The following MYCBP2 variants were observed in gnomAD, a reference collection of about 807,000 sequenced individuals.
MYCBP2 encodes the protein E3 ubiquitin-protein ligase MYCBP2.
Under a neutral mutation model 525.3 loss-of-function variants are expected in MYCBP2, and 120 were observed. That is an observed-to-expected ratio of 0.23 (90% CI 0.20 to 0.27). The LOEUF is 0.27. MYCBP2 is among the 10% of genes least tolerant of loss of function. The pLI is 1.00. For synonymous variants in MYCBP2, 1,894 were observed against 1,955.8 expected, an observed-to-expected ratio of 0.97 and a Z score of 0.83; for missense variants, 4,149 against 5,657.1, an observed-to-expected ratio of 0.73 and a Z score of 8.55.
chr13:77,322,722 A>C (rs2081823509), intron 1 of MYCBP2, among the ~76,000 whole-genome samples: 1 of 152,246 alleles, frequency 6.6e-6, no homozygotes, highest in South Asian at 2.1e-4. Flanking sequence ...ACGTGAACTA[A>C]GGGAGTCTAC....
intron 36 of MYCBP2, among the ~76,000 whole-genome samples, chr13:77,174,876 T>C (rs1341650445): frequency 2.6e-5 from 1 of 39,114 alleles, no homozygotes; most frequent in Non-Finnish European, 8.8e-5. Context: ...GCTCTTAATT[T>C]TACTGCTAGA....
At chr13:77,083,570 A>G (rs942353003) in intron 62 of MYCBP2, among the ~76,000 whole-genome samples, 9 of 152,100 alleles carry the variant, frequency 5.9e-5, no homozygotes, top group Non-Finnish European at 1.2e-4. Context: ...ATGTTTATGT[A>G]TAAAAAATAA....
intron 55 of MYCBP2, among the ~76,000 whole-genome samples, chr13:77,102,996 T>C (rs2154135259): frequency 6.6e-6 from 1 of 152,124 alleles, no homozygotes; most frequent in South Asian, 2.1e-4. Flanking sequence ...CCTATAGATG[T>C]AATAAACATG....
At chr13:77,218,274 G>C (rs2065090116) in intron 20 of MYCBP2, among the ~76,000 whole-genome samples, 1 of 152,140 alleles carries the variant, frequency 6.6e-6, no homozygotes, top group African/African-American at 2.4e-5. Flanking sequence ...TGACTGGCCT[G>C]TTAGAGATCT....
intron 3 of MYCBP2, among the ~76,000 whole-genome samples, chr13:77,283,930 T>C (rs1001217906): frequency 3.3e-5 from 5 of 151,996 alleles, no homozygotes; most frequent in African/African-American, 1.2e-4. Flanking sequence ...TAATAAAAAT[T>C]ATGTAGCTAT....
chr13:77,168,836 T>C (rs1415402116), intron 39 of MYCBP2, among the ~76,000 whole-genome samples, 190 bp from the exon 40 acceptor site: 1 of 152,224 alleles, frequency 6.6e-6, no homozygotes, highest in Admixed American at 6.5e-5. Flanking sequence ...CATGACAATA[T>C]CTAAATCTAT....
intron 1 of MYCBP2, among the ~76,000 whole-genome samples, chr13:77,316,684 G>A (rs533557223): frequency 3.1e-3 from 442 of 144,854 alleles, no homozygotes; most frequent in Non-Finnish European, 5.4e-3. Context: ...CGGTAAAATT[G>A]ATATCAACAA....
In MYCBP2 at chr13:77,174,929, A is replaced by T. The variant is rs1320791687; in HGVS notation, c.5473-440T>A. Reference sequence around the variant, plus strand: ...TATATATAATATATATTATATATATATAATATATATATATTTTATATATTA... The same window carrying T: ...TATATATAATATATATTATATATATTTAATATATATATATTTTATATATTA... On this transcript the variant is annotated intron_variant, in intron 36 of 82. Transcript: ENST00000544440. 1.3e-4 allele frequency among the ~76,000 whole-genome samples: 2 copies of T among 15,278 alleles called. 1 individual carries two copies. Among genetic ancestry groups the T allele is most frequent in the African/African-American group, 2.6e-4 (2 of 7,718 alleles). 10.0% of individuals were successfully genotyped at this position (15,278 alleles called of 152,430 possible). A position where few individuals can be genotyped will look rare whatever the true frequency, so the allele number is the denominator to read the frequency against.
At chr13:77,135,093 TG>T (rs1466211960) in intron 52 of MYCBP2, among the ~76,000 whole-genome samples, 1 of 152,194 alleles carries the variant, frequency 6.6e-6, no homozygotes, top group Non-Finnish European at 1.5e-5. Context: ...GTGCACACAT[TG>T]ATGTCAATAC....
At chr13:77,241,425 A>T (rs1422837547) in intron 17 of MYCBP2, among the ~76,000 whole-genome samples, 1 of 152,166 alleles carries the variant, frequency 6.6e-6, no homozygotes, top group African/African-American at 2.4e-5. Flanking sequence ...TTGTAGGTTC[A>T]TTCATGTCGC....
chr13:77,146,636 C>T (rs1045369100), intron 47 of MYCBP2, among the ~76,000 whole-genome samples: 1 of 152,006 alleles, frequency 6.6e-6, no homozygotes, highest in African/African-American at 2.4e-5. Context: ...ACAGTCAAGA[C>T]AATTCTCTGA....
Position 77,096,317 on chromosome 13 carries a change from C to T in MYCBP2, c.9949G>A (p.Glu3317Lys), listed in dbSNP as rs758334522. Residue 3317 changes from glutamate to lysine, a missense_variant, in exon 57 of 83, where the codon GAG becomes AAG. Glu to Lys is a moderately conservative substitution (Grantham distance 56, BLOSUM62 1). Coordinates refer to ENST00000544440, the MANE Select transcript of MYCBP2 (RefSeq NM_015057.5). The part of the protein sequence containing the change: ...YLREKQAAAR[E>K]KVKQSRRKPM... ...CTCCAAATGGAATAAAATACCTTCTCCCTTGCAGCAGCCTGTTTTTCGCGG... is the reference window on the plus strand; with the variant it reads ...CTCCAAATGGAATAAAATACCTTCTTCCTTGCAGCAGCCTGTTTTTCGCGG... 2.5e-6 allele frequency: 4 copies of T among 1,612,882 alleles called. No individual in the cohort carries two copies. The highest frequency in any genetic ancestry group is 1.3e-5 in the African/African-American group (1 of 74,920).
chr13:77,128,436 T>C (rs2052093890), intron 52 of MYCBP2, among the ~76,000 whole-genome samples: 1 of 151,896 alleles, frequency 6.6e-6, no homozygotes. Context: ...ATTATAACAA[T>C]AATTCTAACT....
At chr13:77,141,792 T>C (rs1309931591) in intron 49 of MYCBP2, among the ~76,000 whole-genome samples, 2 of 148,432 alleles carry the variant, frequency 1.3e-5, no homozygotes, top group African/African-American at 5.0e-5. Context: ...AAAAAAAGTA[T>C]ACATAGAGAA....
intron 47 of MYCBP2, 150 bp downstream of exon 47, chr13:77,150,584 A>G: frequency 1.5e-6 from 1 of 657,334 alleles, no homozygotes; most frequent in Non-Finnish European, 2.6e-6. Context: ...AGACAGGATA[A>G]CATCATCTTA....
In MYCBP2 at chr13:77,058,179, A is replaced by C; in HGVS notation, c.13329+39T>G. 1 of 1,590,342 alleles carries C rather than the reference A, an allele frequency of 6.3e-7. No homozygotes were observed. The highest frequency in any genetic ancestry group is 1.3e-5 in the African/African-American group (1 of 74,136). On this transcript the variant is annotated intron_variant, in intron 78 of 82. Coordinates refer to ENST00000544440, the MANE Select transcript of MYCBP2 (RefSeq NM_015057.5). This position sits in a 1 kb window ranked among gnomAD's most constrained non-coding sequence, Gnocchi z 4.1. Reference sequence around the variant, plus strand: ...TTTGACAAATATATTCCCCATCTTAATGTCTGGATACATTCAATACTTTAA... The same window carrying C: ...TTTGACAAATATATTCCCCATCTTACTGTCTGGATACATTCAATACTTTAA...
In MYCBP2 at chr13:77,058,382, T is replaced by C; in HGVS notation, c.13165A>G (p.Lys4389Glu). The C allele has an allele frequency of 1.2e-6, 2 of 1,612,820 alleles. No homozygotes were observed. Among genetic ancestry groups the C allele is most frequent in the Non-Finnish European group, 1.7e-6 (2 of 1,179,280 alleles). ...CATGGATGGCCACAAGGATGCGTCTTACTACAGGCTATCTTAGCGTATTCC... is the reference window on the plus strand; with the variant it reads ...CATGGATGGCCACAAGGATGCGTCTCACTACAGGCTATCTTAGCGTATTCC... The part of the protein sequence containing the change: ...CQEYAKIACS[K>E]THPCGHPCGG... Residue 4389 changes from lysine (K) to glutamate (E), a missense_variant, in exon 78 of 83, where the codon AAG (lysine) becomes GAG (glutamate). Around this residue, in one of 21 missense-constraint regions of MYCBP2, gnomAD observed 220 missense variants for 396.0 expected, o/e 0.56. Coordinates refer to ENST00000544440, the MANE Select transcript of MYCBP2 (RefSeq NM_015057.5). The surrounding 1 kb of genome is among the most constrained non-coding windows in gnomAD (Gnocchi z 4.1).
intron 17 of MYCBP2, among the ~76,000 whole-genome samples, chr13:77,239,021 G>T (rs1033716965): frequency 6.6e-6 from 1 of 152,146 alleles, no homozygotes; most frequent in African/African-American, 2.4e-5. Context: ...TCGGGAGGCC[G>T]AGGCAGGAGA....
At position 77,076,799 on chromosome 13, in the gene MYCBP2, C is replaced by T. The variant is rs1335281127; in HGVS notation, c.11775G>A (p.Glu3925=). The T allele has an allele frequency of 1.9e-6, 3 of 1,612,708 alleles. No individual in the cohort carries two copies. Among genetic ancestry groups the T allele is most frequent in the South Asian group, 2.2e-5 (2 of 90,912 alleles). ...CAGGTGATGACAATAGTGCTTTTTC[C>T]TCTTGTTCTGGTGTAGGTTCAGCAT... is the stretch of plus-strand genomic sequence containing the variant. ...SGDAEPTPEQ[E]EKALLSSPEG... is the part of the protein sequence containing the mutation. The change falls in exon 68 of 83, where the codon GAG becomes GAA. Residue 3925 remains glutamate, a synonymous_variant. Coordinates refer to ENST00000544440, the MANE Select transcript of MYCBP2 (RefSeq NM_015057.5).
Sources: allele counts gnomAD v4.1 joint callset (sites outside exome capture counted in the v4.1 genomes callset), GRCh38; gene constraint gnomAD v4.1.1; regional missense constraint gnomAD v4.1.1; non-coding constraint Gnocchi (gnomAD v3.1); transcripts MANE v1.5; gene names NCBI Gene and HGNC (gene_info 2026-07-23, HGNC 2026-07-21).